The following POC1B variants were observed in gnomAD, a reference collection of about 807,000 sequenced individuals.
The protein encoded by POC1B is POC1 centriolar protein B, also known as POC1 centriolar protein homolog B.
A neutral mutation model predicts 60.6 loss-of-function variants in POC1B; 44 were observed. The ratio of observed to expected loss-of-function variants is 0.73; its 90% CI spans 0.57 to 0.93. The LOEUF (loss-of-function observed/expected upper bound fraction) is 0.93. POC1B is among the 40% of genes least tolerant of loss of function. The pLI is 0.00. For synonymous variants in POC1B, 180 were observed against 198.9 expected, an observed-to-expected ratio of 0.90 and a Z score of 0.80; for missense variants, 555 against 572.3, an observed-to-expected ratio of 0.97 and a Z score of 0.31.
intron 10 of POC1B, among the ~76,000 whole-genome samples, chr12:89,444,785 G>A (rs561905547): frequency 6.6e-6 from 1 of 152,238 alleles, no homozygotes. Flanking sequence ...GAAATAAAGG[G>A]TATTCAATTA....
chr12:89,480,663 G>GCA (rs1883296184), intron 4 of POC1B, among the ~76,000 whole-genome samples: 1 of 136,090 alleles, frequency 7.3e-6, no homozygotes, highest in Non-Finnish European at 1.5e-5. Flanking sequence ...GCAGTGGCAA[G>GCA]ATCTCGGCTC....
chr12:89,435,128 T>C (rs368655848), intron 10 of POC1B, among the ~76,000 whole-genome samples: 28 of 151,232 alleles, frequency 1.9e-4, no homozygotes, highest in Admixed American at 3.3e-4. Flanking sequence ...ATTATATAAC[T>C]GGATACAGTT....
At chr12:89,436,637 C>G (rs1306043982) in intron 10 of POC1B, among the ~76,000 whole-genome samples, 9 of 151,882 alleles carry the variant, frequency 5.9e-5, no homozygotes, top group Non-Finnish European at 8.8e-5. Context: ...TCACTTGAAC[C>G]TGGGAGACGG....
intron 9 of POC1B, chr12:89,460,784 C>T (rs2120809182): frequency 6.6e-6 from 1 of 152,002 alleles, no homozygotes; most frequent in East Asian, 1.9e-4. Flanking sequence ...CAAAATTAAA[C>T]AATAATTATA....
the POC1B span, among the ~76,000 whole-genome samples, chr12:89,404,001 G>A: frequency 7.9e-5 from 12 of 152,170 alleles, no homozygotes; most frequent in South Asian, 1.0e-3. Context: ...GCGTGGTGGC[G>A]CATGCCTGTA....
At chr12:89,410,045 G>A in the POC1B span, among the ~76,000 whole-genome samples, 4 of 152,264 alleles carry the variant, frequency 2.6e-5, no homozygotes, top group South Asian at 6.2e-4. Context: ...ACATCGATGT[G>A]AAAATCCTCA....
At position 89,455,102 on chromosome 12, in the gene POC1B, G is replaced by A. The variant is rs528856380; in HGVS notation, c.1113+4536C>T. On this transcript the variant is annotated intron_variant, in intron 10 of 11. Transcript: ENST00000313546. ...TAATCTCAGCACTTTGAGAGGCCGA[G>A]GTGGGTGGATCACTTGAGGTCAGGA... Among the ~76,000 whole-genome samples the A allele has an allele frequency of 2.6e-5, 4 of 152,276 alleles. No individual in the cohort carries two copies. The South Asian group carries it at 8.3e-4, about 32-fold the overall frequency.
intron 10 of POC1B, among the ~76,000 whole-genome samples, chr12:89,431,082 C>T (rs559445561): frequency 3.3e-5 from 5 of 151,766 alleles, no homozygotes; most frequent in South Asian, 2.1e-4. Context: ...GGCTGAATAA[C>T]AGATGGATTT....
intron 10 of POC1B, among the ~76,000 whole-genome samples, chr12:89,435,461 G>A (rs757951134): frequency 2.0e-5 from 3 of 152,242 alleles, no homozygotes; most frequent in South Asian, 2.1e-4. Context: ...GACTATAGGC[G>A]TGAACCACCG....
intron 10 of POC1B, among the ~76,000 whole-genome samples, chr12:89,453,330 A>AT (rs1413874289): frequency 6.6e-6 from 1 of 152,186 alleles, no homozygotes; most frequent in Non-Finnish European, 1.5e-5. Context: ...TGCAGTTAAG[A>AT]TAAAAAGTCT....
At chr12:89,441,658 TG>T (rs1450578365) in intron 10 of POC1B, among the ~76,000 whole-genome samples, 1 of 152,052 alleles carries the variant, frequency 6.6e-6, no homozygotes, top group Non-Finnish European at 1.5e-5. Context: ...ACCACAAAGA[TG>T]GGGAGAAGCC....
intron 7 of POC1B, among the ~76,000 whole-genome samples, chr12:89,469,959 CT>C: frequency 6.6e-6 from 1 of 152,120 alleles, no homozygotes; most frequent in South Asian, 2.1e-4. Flanking sequence ...CCTCCCCCTC[CT>C]GGGTTCAAGT....
chr12:89,418,987 T>C (rs892114557), downstream of POC1B, among the ~76,000 whole-genome samples: 1 of 152,102 alleles, frequency 6.6e-6, no homozygotes, highest in Non-Finnish European at 1.5e-5. Context: ...TGGTAAGAAG[T>C]GGTCAGGTGT....
chr12:89,481,493 T>C (rs1376603432), intron 4 of POC1B, among the ~76,000 whole-genome samples: 1 of 152,116 alleles, frequency 6.6e-6, no homozygotes, highest in Non-Finnish European at 1.5e-5. Flanking sequence ...TACATGGAAG[T>C]AGAGCCCAAG....
chr12:89,405,746 G>C, the POC1B span, among the ~76,000 whole-genome samples: 1 of 151,884 alleles, frequency 6.6e-6, no homozygotes, highest in Non-Finnish European at 1.5e-5. Flanking sequence ...CTTGAGTCCA[G>C]GAGTTTGAGA....
At chr12:89,421,387 A>ATTTT in intron 11 of POC1B, 130 bp from the exon 12 acceptor site, 1 of 683,720 alleles carries the variant, frequency 1.5e-6, no homozygotes, top group Non-Finnish European at 2.4e-6. Flanking sequence ...TGGCTCAAAA[A>ATTTT]TGAGCCCCAG....
At chr12:89,415,975 G>T (rs978850956), downstream of POC1B, among the ~76,000 whole-genome samples, 5 of 152,162 alleles carry the variant, frequency 3.3e-5, no homozygotes, top group African/African-American at 4.8e-5. Context: ...ATTTCTTCCA[G>T]CCCACCCGCC....
At position 89,459,623 on chromosome 12, in the gene POC1B, A is replaced by C. The variant is rs764877524; in HGVS notation, c.1113+15T>G. On this transcript the variant is annotated intron_variant, in intron 10 of 11. Transcript: ENST00000313546. ...CCACTTAAGTGTCAAAAAAAAAAAAAAAAACCCGACTTACTGTGGTAGAAT... is the reference window on the plus strand; with the variant it reads ...CCACTTAAGTGTCAAAAAAAAAAAACAAAACCCGACTTACTGTGGTAGAAT... 11 of 1,395,816 alleles carry C rather than the reference A, an allele frequency of 7.9e-6. No individual in the cohort carries two copies. The highest frequency in any genetic ancestry group is 2.5e-5 in the Admixed American group (1 of 40,584). 86.5% of individuals were successfully genotyped at this position (1,395,816 alleles called of 1,614,324 possible).
At chr12:89,523,888 TC>T in intron 2 of POC1B, 2 of 1,579,330 alleles carry the variant, frequency 1.3e-6, no homozygotes, top group Non-Finnish European at 1.7e-6. Flanking sequence ...AGTGAGGACG[TC>T]CCCAGTGGCG....
Sources: allele counts gnomAD v4.1 joint callset (sites outside exome capture counted in the v4.1 genomes callset), GRCh38; gene constraint gnomAD v4.1.1; transcripts MANE v1.5; gene names NCBI Gene and HGNC (gene_info 2026-07-23, HGNC 2026-07-21).